Variants in CFHR1 observed in about 807,000 individuals in gnomAD.
The protein encoded by CFHR1 is complement factor H related 1.
Under a neutral mutation model 30.4 loss-of-function variants are expected in CFHR1, and 22 were observed. That is an observed-to-expected ratio of 0.72 (90% CI 0.52 to 1.03). The LOEUF (loss-of-function observed/expected upper bound fraction) is 1.03, where lower values mean the gene tolerates loss of function less well. CFHR1 is among the 50% of genes least tolerant of loss of function. The pLI, the probability that CFHR1 is intolerant of heterozygous loss-of-function variation, is 0.00. For missense variants in CFHR1, 248 were observed against 380.6 expected (o/e 0.65, Z 2.90); for synonymous variants, 95 against 129.1 (o/e 0.74, Z 1.79).
chr1:196,828,510 G>A (rs1655427022), intron 4 of CFHR1, among the ~76,000 whole-genome samples: 1 of 132,016 alleles, frequency 7.6e-6, no homozygotes, highest in South Asian at 2.6e-4. Flanking sequence ...TCCTTCTCAG[G>A]AATACGTGTA....
At chr1:196,820,886 C>T (rs1461873572) in intron 1 of CFHR1, 1 of 133,348 alleles carries the variant, frequency 7.5e-6, no homozygotes, top group Non-Finnish European at 1.5e-5. Context: ...GTTTCCCAGG[C>T]TGGAGTGCAA....
Position 196,830,595 on chromosome 1 carries a change from T to C in CFHR1, c.703T>C (p.Tyr235His). ...ATATGCTCCAGCTTCATCAGTTGAG[T>C]ACCAATGCCAGAACTTGTATCAACT... ...SVYAPASSVE[Y>H]QCQNLYQLEG... The change falls in exon 5 of 6, where the codon TAC becomes CAC. Residue 235 changes from tyrosine to histidine, a missense_variant. Tyr to His is a moderately conservative substitution (Grantham distance 83). Coordinates refer to ENST00000320493, the MANE Select transcript of CFHR1 (RefSeq NM_002113.3). The C allele has an allele frequency of 6.6e-7, 1 of 1,524,166 alleles. No individual in the cohort carries two copies. The highest frequency in any genetic ancestry group is 8.9e-7 in the Non-Finnish European group (1 of 1,128,620). 94.4% of individuals were successfully genotyped at this position (1,524,166 alleles called of 1,614,324 possible).
intron 5 of CFHR1, 106 bp from the exon 6 acceptor site, chr1:196,831,691 A>G: frequency 7.5e-7 from 1 of 1,333,596 alleles, no homozygotes; most frequent in Non-Finnish European, 1.0e-6. Context: ...CAGTGTTTTG[A>G]GAAATAATTC....
rs181826269 is a variant in CFHR1 at position 196,827,265 on chromosome 1, A to G, written c.430+260A>G. ...TTGTTTGAAATGAAAATACAATTCC[A>G]TAAGCTCATTCTAGACACACGGAAT... On this transcript the variant is annotated intron_variant, in intron 3 of 5. Transcript: ENST00000320493. 2.6e-4 allele frequency among the ~76,000 whole-genome samples: 35 copies of G among 135,100 alleles called. 4 individuals are homozygous for G. The East Asian group carries it at 4.7e-3, about 18-fold the overall frequency. The allele number at this position is 135,100 out of a possible 152,430, so 88.6% of individuals were successfully genotyped here.
rs1404426197 is a variant in CFHR1 at position 196,823,589 on chromosome 1, T to C, written c.59-1888T>C. ...AATATTGTGCAACATTAAACATTAC[T>C]TCTAGATAGATGAAAAAGAGAAATT... On this transcript the variant is annotated intron_variant, in intron 1 of 5. Coordinates refer to ENST00000320493, the MANE Select transcript of CFHR1 (RefSeq NM_002113.3). Among the ~76,000 whole-genome samples, 3 of 135,906 alleles carry C rather than the reference T, an allele frequency of 2.2e-5. No individual in the cohort carries two copies. In the East Asian group the frequency reaches 5.9e-4, roughly 27 times the overall value. The allele number at this position is 135,906 out of a possible 152,430, so 89.2% of individuals were successfully genotyped here. A position where few individuals can be genotyped will look rare whatever the true frequency, so the allele number is the denominator to read the frequency against.
At chr1:196,825,129 C>T (rs1655274366) in intron 1 of CFHR1, 1 of 177,020 alleles carries the variant, frequency 5.6e-6, no homozygotes, top group Admixed American at 5.9e-5. Flanking sequence ...TATCACTTTT[C>T]TACTGTATAC....
chr1:196,830,494 T>C lies in CFHR1; in HGVS notation c.608-6T>C. 3 of 1,525,510 alleles carry C rather than the reference T, an allele frequency of 2.0e-6. 1 individual carries two copies. Among genetic ancestry groups the C allele is most frequent in the Non-Finnish European group, 2.7e-6 (3 of 1,129,226 alleles). The allele number at this position is 1,525,510 out of a possible 1,614,324, so 94.5% of individuals were successfully genotyped here. A position where few individuals can be genotyped will look rare whatever the true frequency, so the allele number is the denominator to read the frequency against. ...ATAAATCAAGTGATGAAATGATGTT[T>C]TTTAGATTCTACGGGAAAATGTGGG... On this transcript the variant is annotated splice_region_variant and splice_polypyrimidine_tract_variant and intron_variant, in intron 4 of 5. Coordinates refer to ENST00000320493, the MANE Select transcript of CFHR1 (RefSeq NM_002113.3).
rs41315553 is a variant in CFHR1 at position 196,825,550 on chromosome 1, G to A, written c.132G>A (p.Gln44=). Residue 44 remains glutamine (Q), a synonymous_variant, in exon 2 of 6, where the codon CAG becomes CAA. Transcript: ENST00000320493. ...AAGAAAAATATAAGCCATTTTCCCAGGTTCCTACAGGGGAAGTTTTCTATT... is the reference window on the plus strand; with the variant it reads ...AAGAAAAATATAAGCCATTTTCCCAAGTTCCTACAGGGGAAGTTTTCTATT... ...YDEEKYKPFS[Q]VPTGEVFYYS... 210 of 1,521,950 alleles carry A rather than the reference G, an allele frequency of 1.4e-4. 51 individuals carry two copies. The South Asian group carries it at 2.2e-3, about 16-fold the overall frequency. 94.3% of individuals were successfully genotyped at this position (1,521,950 alleles called of 1,614,324 possible). A position where few individuals can be genotyped will look rare whatever the true frequency, so the allele number is the denominator to read the frequency against.
chr1:196,824,348 C>T (rs1655241071), intron 1 of CFHR1, among the ~76,000 whole-genome samples: 1 of 133,724 alleles, frequency 7.5e-6, no homozygotes, highest in African/African-American at 3.2e-5. Context: ...ACCTCCCCCT[C>T]CTGGGTTCAA....
chr1:196,825,798 T>G lies in CFHR1; in HGVS notation c.253+127T>G, dbSNP rs146250787. ...AAAGAAGCTGGAAAGATGGGAGATG[T>G]AGTCCCCCTATTTTGAGATGCCTCC... On this transcript the variant is annotated intron_variant, in intron 2 of 5. Transcript: ENST00000320493. 1.9e-5 allele frequency: 18 copies of G among 937,206 alleles called. 3 individuals are homozygous for G. Among genetic ancestry groups the G allele is most frequent in the Admixed American group, 8.4e-5 (4 of 47,454 alleles). The allele number at this position is 937,206 out of a possible 1,614,324, so 58.1% of individuals were successfully genotyped here.
At position 196,822,416 on chromosome 1, in the gene CFHR1, A is replaced by G. The variant is rs1404073002; in HGVS notation, c.58+2514A>G. ...AACTTTAATTTTTGTGTCTTTCGAG[A>G]TAATATTTAGCTTAAAAAACATTGT... On this transcript the variant is annotated intron_variant, in intron 1 of 5. Transcript: ENST00000320493. 2.3e-5 allele frequency among the ~76,000 whole-genome samples: 3 copies of G among 130,704 alleles called. 1 individual carries two copies. Among genetic ancestry groups the G allele is most frequent in the Non-Finnish European group, 4.7e-5 (3 of 63,194 alleles). The allele number at this position is 130,704 out of a possible 152,430, so 85.7% of individuals were successfully genotyped here.
rs539126056 is a variant in CFHR1, at chr1:196,821,253, T to C, written c.58+1351T>C. ...GTCTGTGTTTATGGTATTTATTAAG[T>C]GGCTTATACACCTATTACACATGGC... On this transcript the variant is annotated intron_variant, in intron 1 of 5. Coordinates refer to ENST00000320493, the MANE Select transcript of CFHR1 (RefSeq NM_002113.3). 18 of 131,926 alleles carry C rather than the reference T, an allele frequency of 1.4e-4. 2 individuals carry two copies. Among genetic ancestry groups the C allele is most frequent in the Admixed American group, 2.2e-4 (3 of 13,636 alleles). The allele number at this position is 131,926 out of a possible 1,614,324, so 8.2% of individuals were successfully genotyped here. A position where few individuals can be genotyped will look rare whatever the true frequency, so the allele number is the denominator to read the frequency against.
In CFHR1 at chr1:196,823,622, A is replaced by T. The variant is rs560225774; in HGVS notation, c.59-1855A>T. Among the ~76,000 whole-genome samples the T allele has an allele frequency of 5.9e-5, 8 of 136,012 alleles. 2 individuals are homozygous for T. The highest frequency in any genetic ancestry group is 1.9e-4 in the African/African-American group (6 of 32,072). The allele number at this position is 136,012 out of a possible 152,430, so 89.2% of individuals were successfully genotyped here. A position where few individuals can be genotyped will look rare whatever the true frequency, so the allele number is the denominator to read the frequency against. ...AGATGAAAAAGAGAAATTTCTCTTG[A>T]TTTGTCAGCTTAATTTCTGCACACA... is the stretch of plus-strand genomic sequence containing the variant. On this transcript the variant is annotated intron_variant, in intron 1 of 5. Coordinates refer to ENST00000320493, the MANE Select transcript of CFHR1 (RefSeq NM_002113.3).
intron 1 of CFHR1, chr1:196,825,149 C>A: frequency 4.1e-6 from 1 of 245,568 alleles, no homozygotes; most frequent in Non-Finnish European, 7.5e-6. Flanking sequence ...CTATGTAGAT[C>A]AGGAAGATTT....
At position 196,831,895 on chromosome 1, in the gene CFHR1, G is replaced by A. The variant is rs201995028; in HGVS notation, c.889G>A (p.Glu297Lys). 316 of 1,525,402 alleles carry A rather than the reference G, an allele frequency of 2.1e-4. 48 individuals carry two copies. Among genetic ancestry groups the A allele is most frequent in the Non-Finnish European group, 2.1e-4 (242 of 1,129,468 alleles). The allele number at this position is 1,525,402 out of a possible 1,614,324, so 94.5% of individuals were successfully genotyped here. The change falls in exon 6 of 6, where the codon GAA becomes AAA. Residue 297 changes from glutamate to lysine, a missense_variant. Physicochemically the swap from Glu to Lys is moderately conservative, Grantham distance 56 (BLOSUM62 1). Around this residue, in one of 3 missense-constraint regions of CFHR1, gnomAD observed 112 missense variants for 156.4 expected, o/e 0.72. Coordinates refer to ENST00000320493, the MANE Select transcript of CFHR1 (RefSeq NM_002113.3). ...KLYLRTGESA[E>K]FVCKRGYRLS... ...TTATTTGAGAACAGGTGAATCAGCTGAATTTGTGTGTAAACGGGGATATCG... is the reference window on the plus strand; with the variant it reads ...TTATTTGAGAACAGGTGAATCAGCTAAATTTGTGTGTAAACGGGGATATCG...
At chr1:196,821,277 G>A (rs1360138185) in intron 1 of CFHR1, 2 of 125,958 alleles carry the variant, frequency 1.6e-5, no homozygotes, top group Admixed American at 7.7e-5. Context: ...ATTACACATG[G>A]CATTACATGA....
At chr1:196,831,276 T>C (rs2124896940) in intron 5 of CFHR1, among the ~76,000 whole-genome samples, 1 of 136,410 alleles carries the variant, frequency 7.3e-6, no homozygotes, top group Admixed American at 7.0e-5. Context: ...CACAAATTAA[T>C]TAGCACATTC....
chr1:196,826,085 A>G (rs1655310624), intron 2 of CFHR1: 1 of 164,872 alleles, frequency 6.1e-6, no homozygotes, highest in African/African-American at 3.2e-5. Flanking sequence ...TCAATAAATA[A>G]TTTCTTTGGT....
chr1:196,824,085 G>C lies in CFHR1; in HGVS notation c.59-1392G>C, dbSNP rs1655227450. On this transcript the variant is annotated intron_variant, in intron 1 of 5. Coordinates refer to ENST00000320493, the MANE Select transcript of CFHR1 (RefSeq NM_002113.3). ...TATATCTTGCACCATAGTGTGTATG[G>C]ATGTATTTATACATATATACAGTAG... Among the ~76,000 whole-genome samples, 2 of 133,652 alleles carry C rather than the reference G, an allele frequency of 1.5e-5. 1 individual carries two copies. The highest frequency in any genetic ancestry group is 5.2e-4 in the South Asian group (2 of 3,854). 87.7% of individuals were successfully genotyped at this position (133,652 alleles called of 152,430 possible). A position where few individuals can be genotyped will look rare whatever the true frequency, so the allele number is the denominator to read the frequency against.
Sources: allele counts gnomAD v4.1 joint callset (sites outside exome capture counted in the v4.1 genomes callset), GRCh38; gene constraint gnomAD v4.1.1; regional missense constraint gnomAD v4.1.1; transcripts MANE v1.5; gene names NCBI Gene and HGNC (gene_info 2026-07-23, HGNC 2026-07-21).